Variants in UBAC1 observed in about 807,000 individuals in gnomAD.
UBAC1 encodes ubiquitin-associated domain-containing protein 1.
UBAC1 carries 27 observed loss-of-function variants against 45.9 expected under a neutral mutation model. The observed-to-expected ratio is 0.59, with a 90% CI of 0.43 to 0.81. The LOEUF is 0.81. Among genes scored for constraint, UBAC1 ranks in the 30% least tolerant of loss-of-function variants. UBAC1 has a pLI of 0.00. For missense variants in UBAC1, 529 were observed against 539.2 expected, an observed-to-expected ratio of 0.98 and a Z score of 0.19; for synonymous variants, 227 against 215.5, an observed-to-expected ratio of 1.05 and a Z score of -0.47.
intron 3 of UBAC1, 80 bp downstream of exon 3, chr9:135,953,600 G>C (rs543668232): frequency 2.5e-5 from 33 of 1,309,702 alleles, no homozygotes; most frequent in Non-Finnish European, 3.6e-5. Context: ...TTACAGGCGC[G>C]AGCCACTGTA....
At chr9:135,952,007 G>GT (rs1042853038) in intron 3 of UBAC1, among the ~76,000 whole-genome samples, 1 of 152,232 alleles carries the variant, frequency 6.6e-6, no homozygotes, top group Non-Finnish European at 1.5e-5. Context: ...TTACGGGCCT[G>GT]TAAGTCTGAA....
At chr9:135,945,846 C>T in intron 6 of UBAC1, 43 bp downstream of exon 6, 1 of 1,559,204 alleles carries the variant, frequency 6.4e-7, no homozygotes, top group Non-Finnish European at 8.8e-7. Context: ...AAAACCAGGC[C>T]CCAGGTGTCT....
At position 135,961,352 on chromosome 9, in the gene UBAC1, CA is replaced by C. The variant is rs759515215; in HGVS notation, c.-191del. 6,256 of 156,614 alleles carry C rather than the reference CA, an allele frequency of 0.04. 116 individuals carry two copies. Among genetic ancestry groups the C allele is most frequent in the Non-Finnish European group, 0.057 (4,959 of 87,158 alleles). The allele number at this position is 156,614 out of a possible 1,614,324, so 9.7% of individuals were successfully genotyped here. On this transcript the variant is annotated 5_prime_UTR_variant, in exon 1 of 10. Transcript: ENST00000371756. ...AGCGGTCGCCTCGCTCCCGCCGCCG[CA>C]GCAGCCGCCGGGGGCGCGCCGTCGC... is the stretch of plus-strand genomic sequence containing the variant.
chr9:135,945,411 G>A lies in UBAC1; in HGVS notation c.654-161C>T, dbSNP rs575743217. The A allele has an allele frequency of 2.1e-4, 131 of 638,936 alleles. 2 individuals are homozygous for A. In the African/African-American group the frequency reaches 2.2e-3, roughly 11 times the overall value. The allele number at this position is 638,936 out of a possible 1,614,324, so 39.6% of individuals were successfully genotyped here. A position where few individuals can be genotyped will look rare whatever the true frequency, so the allele number is the denominator to read the frequency against. On this transcript the variant is annotated intron_variant, in intron 6 of 9. Transcript: ENST00000371756. ...CTGAATGAACACAGGTGCGACGGAA[G>A]CGCTGGTCCTTGCCTCAGACTACCT...
Position 135,946,029 on chromosome 9 carries a change from C to T in UBAC1, c.545-32G>A, listed in dbSNP as rs202057983. On this transcript the variant is annotated intron_variant, in intron 5 of 9. Coordinates refer to ENST00000371756, the MANE Select transcript of UBAC1 (RefSeq NM_016172.3). ...GGAGACGACAGGGCCATGAGGGCTC[C>T]AGCCTCAGGTTCAGGGGCCTTATCT... The T allele has an allele frequency of 8.1e-4, 1,291 of 1,590,170 alleles. 4 individuals are homozygous for T. The highest frequency in any genetic ancestry group is 4.5e-3 in the Middle Eastern group (27 of 6,020).
chr9:135,954,082 T>C (rs1215426145), intron 2 of UBAC1, among the ~76,000 whole-genome samples: 2 of 147,972 alleles, frequency 1.4e-5, no homozygotes, highest in East Asian at 4.0e-4. Context: ...GAGGTTGCAC[T>C]GAGCCAAGAT....
chr9:135,935,475 A>G (rs1839192426), intron 9 of UBAC1, among the ~76,000 whole-genome samples: 1 of 152,114 alleles, frequency 6.6e-6, no homozygotes, highest in Non-Finnish European at 1.5e-5. Context: ...ACGAGACCCC[A>G]TCTCAACAAC....
intron 9 of UBAC1, among the ~76,000 whole-genome samples, chr9:135,935,851 C>G (rs562114674): frequency 1.3e-5 from 2 of 152,060 alleles, no homozygotes; most frequent in South Asian, 2.1e-4. Context: ...ACGGTGAAAC[C>G]CTGTCTCTAC....
intron 5 of UBAC1, 101 bp from the exon 6 acceptor site, chr9:135,946,098 C>T: frequency 8.1e-7 from 1 of 1,237,498 alleles, no homozygotes; most frequent in Non-Finnish European, 1.2e-6. Flanking sequence ...GCTCCACCTG[C>T]CCGCCCTCAG....
chr9:135,938,293 C>G lies in UBAC1; in HGVS notation c.1031G>C (p.Ser344Thr). ...EELDKGIDPDSPLFQAILDNP... is the reference protein window; with the variant it reads ...EELDKGIDPDTPLFQAILDNP... ...ATCCAGGATGGCCTGAAAGAGAGGA[C>G]TGTCGGGGTCGATGCCCTTGTCCAG... Residue 344 changes from serine to threonine, a missense_variant, in exon 9 of 10, where the codon AGT becomes ACT. Ser to Thr is a moderately conservative substitution (Grantham distance 58). Coordinates refer to ENST00000371756, the MANE Select transcript of UBAC1 (RefSeq NM_016172.3). The G allele has an allele frequency of 6.2e-7, 1 of 1,614,182 alleles. No individual in the cohort carries two copies. The highest frequency in any genetic ancestry group is 2.2e-5 in the East Asian group (1 of 44,878).
chr9:135,953,884 A>C, intron 2 of UBAC1, 131 bp from the exon 3 acceptor site: 2 of 564,302 alleles, frequency 3.5e-6, no homozygotes, highest in Non-Finnish European at 5.8e-6. Flanking sequence ...CCCATCTGTA[A>C]TCCCAGCACT....
Position 135,933,302 on chromosome 9 carries a change from GGC to G in UBAC1, c.*96_*97del. The G allele has an allele frequency of 1.1e-6, 1 of 917,396 alleles. No homozygotes were observed. The highest frequency in any genetic ancestry group is 1.8e-5 in the Admixed American group (1 of 54,434). The allele number at this position is 917,396 out of a possible 1,614,324, so 56.8% of individuals were successfully genotyped here. On this transcript the variant is annotated 3_prime_UTR_variant, in exon 10 of 10. Coordinates refer to ENST00000371756, the MANE Select transcript of UBAC1 (RefSeq NM_016172.3). ...AGCACCTCTAACAGTCCAGGGCTGA[GGC>G]GCTGAAGGTGAGTTTCCAGGTGAGG...
intron 1 of UBAC1, among the ~76,000 whole-genome samples, chr9:135,959,998 G>A (rs1839512391): frequency 6.6e-6 from 1 of 152,154 alleles, no homozygotes; most frequent in South Asian, 2.1e-4. Context: ...GCTCACAAAA[G>A]CAACTCGAAA....
chr9:135,936,499 C>CTT (rs202151720), intron 9 of UBAC1, among the ~76,000 whole-genome samples: 29 of 141,778 alleles, frequency 2.0e-4, no homozygotes, highest in East Asian at 6.1e-4. Flanking sequence ...TTTCCTTTTT[C>CTT]TTTTTTTTTT....
At chr9:135,949,723 G>A (rs1420636602) in intron 3 of UBAC1, among the ~76,000 whole-genome samples, 8 of 152,238 alleles carry the variant, frequency 5.3e-5, no homozygotes, top group Admixed American at 1.3e-4. Context: ...GGCAGAACTC[G>A]AGGACGGCCG....
chr9:135,960,538 G>A (rs927955172), intron 1 of UBAC1, among the ~76,000 whole-genome samples: 20 of 152,104 alleles, frequency 1.3e-4, no homozygotes, highest in Non-Finnish European at 4.4e-5. Flanking sequence ...AAGGAGAAGG[G>A]GCCTCTTCAT....
At chr9:135,949,609 A>G (rs1428358114) in intron 3 of UBAC1, among the ~76,000 whole-genome samples, 1 of 152,196 alleles carries the variant, frequency 6.6e-6, no homozygotes, top group Non-Finnish European at 1.5e-5. Flanking sequence ...GCTGCGCTGG[A>G]ATACGAGGCC....
At chr9:135,943,316 G>A (rs1346843367) in intron 7 of UBAC1, among the ~76,000 whole-genome samples, 1 of 152,158 alleles carries the variant, frequency 6.6e-6, no homozygotes, top group East Asian at 1.9e-4. Context: ...AGCTACTCAG[G>A]AGGCTGAGGC....
At chr9:135,941,832 C>G (rs1839273100) in intron 7 of UBAC1, among the ~76,000 whole-genome samples, 1 of 152,258 alleles carries the variant, frequency 6.6e-6, no homozygotes, top group Non-Finnish European at 1.5e-5. Context: ...AGCAGGAAAT[C>G]TGTTTTGGCC....
Sources: gnomAD v4.1 joint callset for allele counts (sites outside exome capture counted in the v4.1 genomes callset) on GRCh38, gnomAD v4.1.1 for gene constraint, MANE v1.5 for transcripts, NCBI Gene and HGNC (gene_info 2026-07-23, HGNC 2026-07-21) for gene names.